The following TSHZ2 variants were observed in gnomAD, a reference collection of about 807,000 sequenced individuals.
The protein encoded by TSHZ2 is teashirt homolog 2.
Under a neutral mutation model 74.4 loss-of-function variants are expected in TSHZ2, and 21 were observed. The observed-to-expected ratio is 0.28, with a 90% CI of 0.20 to 0.41. The LOEUF is 0.41. Among genes scored for constraint, TSHZ2 ranks in the 10% least tolerant of loss-of-function variants. The pLI, the probability that TSHZ2 is intolerant of heterozygous loss-of-function variation, is 1.00. For synonymous variants in TSHZ2, 540 were observed against 515.3 expected, an observed-to-expected ratio of 1.05 and a Z score of -0.65; for missense variants, 1,244 against 1,293.5, an observed-to-expected ratio of 0.96 and a Z score of 0.59.
At chr20:52,980,612 G>T (rs183548330) in intron 1 of TSHZ2, among the ~76,000 whole-genome samples, 2 of 152,278 alleles carry the variant, frequency 1.3e-5, no homozygotes, top group African/African-American at 4.8e-5. Context: ...AAGGTGGGTA[G>T]AATACAGTTA....
At chr20:53,141,674 T>A (rs1057244323) in intron 1 of TSHZ2, among the ~76,000 whole-genome samples, 2 of 152,192 alleles carry the variant, frequency 1.3e-5, no homozygotes. Flanking sequence ...TTGTCACCTT[T>A]CCTGCACCTA....
At chr20:53,216,817 T>A (rs1989445793) in intron 1 of TSHZ2, among the ~76,000 whole-genome samples, 1 of 152,178 alleles carries the variant, frequency 6.6e-6, no homozygotes, top group South Asian at 2.1e-4. Flanking sequence ...TTTGTCTACA[T>A]CTTGCTGGGA....
intron 2 of TSHZ2, among the ~76,000 whole-genome samples, chr20:53,360,240 G>A (rs1366548831): frequency 2.0e-5 from 3 of 152,214 alleles, no homozygotes; most frequent in Non-Finnish European, 4.4e-5. Context: ...TGATAATTCA[G>A]TATAAGACAG....
chr20:53,314,326 T>C (rs554227662), intron 2 of TSHZ2, among the ~76,000 whole-genome samples: 1 of 151,880 alleles, frequency 6.6e-6, no homozygotes, highest in African/African-American at 2.4e-5. Context: ...TGATGCAGTT[T>C]CAGTTATCTA....
Position 53,032,425 on chromosome 20 carries a change from G to A in TSHZ2, c.40+59092G>A, listed in dbSNP as rs938379782. Among the ~76,000 whole-genome samples the A allele has an allele frequency of 2.6e-5, 4 of 152,256 alleles. 1 individual carries two copies. In the South Asian group the frequency reaches 8.3e-4, roughly 32 times the overall value. On this transcript the variant is annotated intron_variant, in intron 1 of 2. Coordinates refer to ENST00000371497, the MANE Select transcript of TSHZ2 (RefSeq NM_173485.6). The stretch of plus-strand genomic sequence containing the variant: ...AAATTTGGCTAATCCCATCATATCC[G>A]CAGGACCCGTCTGGTGGAATAATCT...
At chr20:53,382,239 A>G (rs1260129329) in intron 2 of TSHZ2, among the ~76,000 whole-genome samples, 1 of 152,046 alleles carries the variant, frequency 6.6e-6, no homozygotes, top group Non-Finnish European at 1.5e-5. Flanking sequence ...TTCCTCCCCA[A>G]ATCCCGACAT....
intron 1 of TSHZ2, among the ~76,000 whole-genome samples, chr20:53,219,322 G>A (rs984120275): frequency 6.6e-6 from 1 of 152,076 alleles, no homozygotes; most frequent in South Asian, 2.1e-4. Flanking sequence ...AATTTGTGAG[G>A]CTTAACATCT....
At chr20:53,132,922 A>C (rs1438721207) in intron 1 of TSHZ2, among the ~76,000 whole-genome samples, 1 of 151,854 alleles carries the variant, frequency 6.6e-6, no homozygotes, top group Non-Finnish European at 1.5e-5. Flanking sequence ...CCTCTCTTCC[A>C]GCCTTCCTCT....
chr20:53,407,822 T>C (rs1982905962), intron 2 of TSHZ2, among the ~76,000 whole-genome samples: 1 of 152,236 alleles, frequency 6.6e-6, no homozygotes, highest in South Asian at 2.1e-4. Context: ...TGCCATGTGA[T>C]ACACATGGGT....
intron 1 of TSHZ2, among the ~76,000 whole-genome samples, chr20:53,082,306 G>A (rs2123233158): frequency 6.6e-6 from 1 of 152,306 alleles, no homozygotes; most frequent in Admixed American, 6.5e-5. Context: ...TGTGAGAGTT[G>A]CTGAATAGAG....
At chr20:53,138,864 G>T (rs562344646) in intron 1 of TSHZ2, among the ~76,000 whole-genome samples, 1 of 152,280 alleles carries the variant, frequency 6.6e-6, no homozygotes, top group South Asian at 2.1e-4. Flanking sequence ...ATTGACCAGC[G>T]GTGGGCATGG....
intron 2 of TSHZ2, among the ~76,000 whole-genome samples, chr20:53,315,661 A>G (rs1263902463): frequency 6.6e-6 from 1 of 152,232 alleles, no homozygotes; most frequent in Non-Finnish European, 1.5e-5. Flanking sequence ...TTACTTATGC[A>G]GATTGTCTCA....
At chr20:53,423,388 A>AAAAC (rs1379180069) in intron 2 of TSHZ2, among the ~76,000 whole-genome samples, 110 of 150,386 alleles carry the variant, frequency 7.3e-4, no homozygotes, top group African/African-American at 2.5e-3. Context: ...CATCTCAAAA[A>AAAAC]AAACAAACAA....
intron 2 of TSHZ2, among the ~76,000 whole-genome samples, chr20:53,285,199 C>T (rs772082183): frequency 5.3e-5 from 8 of 152,126 alleles, no homozygotes; most frequent in Non-Finnish European, 1.2e-4. Flanking sequence ...GTTAAATGTC[C>T]TTTTGCGTTG....
At chr20:53,034,095 G>C (rs1460137363) in intron 1 of TSHZ2, among the ~76,000 whole-genome samples, 1 of 152,112 alleles carries the variant, frequency 6.6e-6, no homozygotes, top group Non-Finnish European at 1.5e-5. Context: ...TAAATGACTA[G>C]CTTGAGCTTA....
chr20:53,227,090 T>C (rs1419149695), intron 1 of TSHZ2, among the ~76,000 whole-genome samples: 1 of 151,826 alleles, frequency 6.6e-6, no homozygotes, highest in African/African-American at 2.4e-5. Flanking sequence ...GCTTATTGAA[T>C]AGCATTTTGC....
In TSHZ2 at chr20:53,254,801, A is replaced by G. The variant is rs1368531957; in HGVS notation, c.1343A>G (p.Asn448Ser). Residue 448 changes from asparagine to serine, a missense_variant, in exon 2 of 3, where the codon AAC becomes AGC. Around this residue, in one of 6 missense-constraint regions of TSHZ2, gnomAD observed 562 missense variants for 544.0 expected, o/e 1.03. Coordinates refer to ENST00000371497, the MANE Select transcript of TSHZ2 (RefSeq NM_173485.6). ...SDSLAPKPSS[N>S]SASDCTASTT... ...TCTCTGGCTCCCAAGCCATCCAGTA[A>G]CTCAGCATCAGATTGTACAGCCTCT... 1.2e-6 allele frequency: 2 copies of G among 1,613,588 alleles called. No individual in the cohort carries two copies. The highest frequency in any genetic ancestry group is 2.2e-5 in the East Asian group (1 of 44,868).
At chr20:53,135,653 T>C (rs1175791802) in intron 1 of TSHZ2, among the ~76,000 whole-genome samples, 2 of 152,178 alleles carry the variant, frequency 1.3e-5, no homozygotes, top group Admixed American at 6.5e-5. Context: ...TGGAGTACAG[T>C]ACAGTGGTGC....
At chr20:53,259,951 A>C (rs1019497599) in intron 2 of TSHZ2, among the ~76,000 whole-genome samples, 1 of 152,212 alleles carries the variant, frequency 6.6e-6, no homozygotes, top group Non-Finnish European at 1.5e-5. Context: ...AATATCTATT[A>C]ATGGCATCAA....
Sources: allele counts gnomAD v4.1 joint callset (sites outside exome capture counted in the v4.1 genomes callset), GRCh38; gene constraint gnomAD v4.1.1; regional missense constraint gnomAD v4.1.1; transcripts MANE v1.5; gene names NCBI Gene and HGNC (gene_info 2026-07-23, HGNC 2026-07-21).